MMP26: variants seen among roughly 807,000 people sequenced by gnomAD.
MMP26 encodes the protein matrix metalloproteinase-26.
In MMP26, 33 loss-of-function variants were observed where a neutral mutation model predicts 31.0. The observed-to-expected ratio is 1.06, with a 90% CI of 0.81 to 1.42. The LOEUF is 1.42. MMP26 is among the 40% of genes most tolerant of loss of function. The pLI is 0.00. For synonymous variants in MMP26, 122 were observed against 114.9 expected, an observed-to-expected ratio of 1.06 and a Z score of -0.40; for missense variants, 347 against 316.1, an observed-to-expected ratio of 1.10 and a Z score of -0.74.
intron 2 of MMP26, among the ~76,000 whole-genome samples, chr11:4,986,544 TTTTTGA>T: frequency 1.4e-5 from 1 of 70,070 alleles, no homozygotes; most frequent in African/African-American, 6.0e-5. Flanking sequence ...TTTTTTTTTT[TTTTTGA>T]GACAGAATCT....
At chr11:4,862,813 C>A (rs1329293093) in intron 2 of MMP26, among the ~76,000 whole-genome samples, 2 of 152,102 alleles carry the variant, frequency 1.3e-5, no homozygotes, top group Non-Finnish European at 2.9e-5. Flanking sequence ...GTAGTGTAGT[C>A]CACTCACACT....
At chr11:4,710,378 C>A (rs1847845680) in intron 1 of MMP26, 1 of 456,856 alleles carries the variant, frequency 2.2e-6, no homozygotes. Flanking sequence ...GAAAGCATGC[C>A]CCTCCCCTTG....
intron 2 of MMP26, among the ~76,000 whole-genome samples, chr11:4,923,184 G>A (rs112836090): frequency 4.6e-5 from 7 of 152,232 alleles, no homozygotes; most frequent in African/African-American, 1.7e-4. Flanking sequence ...TTATTTCCTT[G>A]CTCATTCTGC....
chr11:4,991,251 C>G, intron 5 of MMP26, 120 bp from the exon 6 acceptor site: 1 of 1,261,886 alleles, frequency 7.9e-7, no homozygotes, highest in Non-Finnish European at 1.1e-6. Flanking sequence ...TTAGCTCTCT[C>G]ACATCCCCCA....
At chr11:4,951,553 T>C (rs1275867955) in intron 2 of MMP26, among the ~76,000 whole-genome samples, 2 of 124,524 alleles carry the variant, frequency 1.6e-5, no homozygotes, top group African/African-American at 5.4e-5. Context: ...AGATAAATAC[T>C]GGGTTGTTAG....
At chr11:4,839,756 A>G (rs1319626405) in intron 2 of MMP26, among the ~76,000 whole-genome samples, 4 of 151,654 alleles carry the variant, frequency 2.6e-5, no homozygotes, top group African/African-American at 9.7e-5. Flanking sequence ...GAGATTCAGC[A>G]CATTACCAGC....
rs758974223 is a variant in MMP26 at position 4,882,169 on chromosome 11, T to G, written c.-144-105899T>G. ...CTGTGCTTGGTGTTCTCTGGTTTCA[T>G]GCCCGGGAGATCAGCTTTAAAGCTT... On this transcript the variant is annotated intron_variant, in intron 2 of 7. Coordinates refer to ENST00000380390, the MANE Select transcript of MMP26 (RefSeq NM_021801.5). The G allele has an allele frequency of 3.1e-6, 5 of 1,613,850 alleles. No individual in the cohort carries two copies. In the East Asian group the frequency reaches 8.9e-5, roughly 29 times the overall value.
At chr11:4,730,533 A>T (rs1300516268) in intron 1 of MMP26, among the ~76,000 whole-genome samples, 1 of 152,132 alleles carries the variant, frequency 6.6e-6, no homozygotes, top group Non-Finnish European at 1.5e-5. Context: ...CTTCCAATGC[A>T]TGTTATGTGG....
intron 1 of MMP26, among the ~76,000 whole-genome samples, chr11:4,738,368 C>T (rs1319467746): frequency 4.6e-5 from 7 of 152,172 alleles, no homozygotes; most frequent in Non-Finnish European, 5.9e-5. Flanking sequence ...TATTTTGCTT[C>T]TCATTCATAA....
intron 2 of MMP26, among the ~76,000 whole-genome samples, chr11:4,838,874 T>C (rs1849757350): frequency 6.6e-6 from 1 of 152,124 alleles, no homozygotes; most frequent in African/African-American, 2.4e-5. Context: ...TAATAACTTA[T>C]AATAAAAAGG....
At chr11:4,847,760 T>G (rs1198487139) in intron 2 of MMP26, 2 of 152,750 alleles carry the variant, frequency 1.3e-5, no homozygotes, top group East Asian at 3.9e-4. Context: ...CTTACTTGCA[T>G]TTTCCTCATG....
intron 2 of MMP26, among the ~76,000 whole-genome samples, chr11:4,926,839 C>T (rs1458195799): frequency 6.6e-6 from 1 of 152,132 alleles, no homozygotes; most frequent in East Asian, 1.9e-4. Flanking sequence ...AGCTCACAAG[C>T]CTAGCACAGA....
At chr11:4,835,916 C>T (rs1849712599) in intron 2 of MMP26, among the ~76,000 whole-genome samples, 3 of 151,984 alleles carry the variant, frequency 2.0e-5, no homozygotes, top group Non-Finnish European at 4.4e-5. Context: ...CATTATGATA[C>T]AGATGTTTTA....
chr11:4,723,229 A>C, intron 1 of MMP26: 5 of 1,320,484 alleles, frequency 3.8e-6, no homozygotes, highest in Non-Finnish European at 3.3e-6. Context: ...CCTCAATCTC[A>C]GCCTGGAGCC....
chr11:4,799,359 G>A (rs1389822685), intron 2 of MMP26, among the ~76,000 whole-genome samples: 1 of 151,878 alleles, frequency 6.6e-6, no homozygotes, highest in Non-Finnish European at 1.5e-5. Context: ...AATGGGAGCA[G>A]GAGAGAGAAG....
intron 2 of MMP26, among the ~76,000 whole-genome samples, chr11:4,775,509 A>T (rs1402818570): frequency 6.6e-6 from 1 of 152,140 alleles, no homozygotes; most frequent in African/African-American, 2.4e-5. Flanking sequence ...TGTAACTGCA[A>T]CCCAGCTGAT....
chr11:4,732,530 G>A, intron 1 of MMP26, among the ~76,000 whole-genome samples: 1 of 137,390 alleles, frequency 7.3e-6, no homozygotes. Context: ...GCAAAAGAGC[G>A]AGACTCGTCT....
chr11:4,930,144 A>G (rs974173842), intron 2 of MMP26, among the ~76,000 whole-genome samples: 1 of 152,108 alleles, frequency 6.6e-6, no homozygotes, highest in African/African-American at 2.4e-5. Flanking sequence ...AAATAAAAAC[A>G]TCACTATTAA....
chr11:4,821,953 C>A, intron 2 of MMP26: 1 of 1,614,020 alleles, frequency 6.2e-7, no homozygotes, highest in African/African-American at 1.3e-5. Context: ...GGTCCTTTCA[C>A]ATTCTTACTG....
Sources: gnomAD v4.1 joint callset for allele counts (sites outside exome capture counted in the v4.1 genomes callset) on GRCh38, gnomAD v4.1.1 for gene constraint, MANE v1.5 for transcripts, NCBI Gene and HGNC (gene_info 2026-07-23, HGNC 2026-07-21) for gene names.